Variants in PXK observed in about 807,000 individuals in gnomAD.
PXK encodes PX domain containing serine/threonine kinase like.
Under a neutral mutation model 84.7 loss-of-function variants are expected in PXK, and 35 were observed. That is an observed-to-expected ratio of 0.41 (90% CI 0.32 to 0.55). PXK has a LOEUF of 0.55. Among genes scored for constraint, PXK ranks in the 20% least tolerant of loss-of-function variants. The probability of loss-of-function intolerance (pLI) is 0.21; values close to 1 mark genes in which losing one functional copy is unlikely to be tolerated. For missense variants in PXK, 634 were observed against 699.7 expected, an observed-to-expected ratio of 0.91 and a Z score of 1.06; for synonymous variants, 253 against 260.8, an observed-to-expected ratio of 0.97 and a Z score of 0.29.
At chr3:58,403,748 T>G in intron 12 of PXK, 114 bp from the exon 13 acceptor site, 1 of 479,204 alleles carries the variant, frequency 2.1e-6, no homozygotes, top group Non-Finnish European at 3.6e-6. Flanking sequence ...GGCTGGAGGA[T>G]GTGGTGCAGG....
chr3:58,395,826 GT>G, intron 9 of PXK, 67 bp downstream of exon 9: 1 of 1,320,726 alleles, frequency 7.6e-7, no homozygotes. Flanking sequence ...ACCTGGAAAA[GT>G]TCTTAAGTAA....
intron 1 of PXK, among the ~76,000 whole-genome samples, chr3:58,358,053 A>G (rs1196875947): frequency 2.6e-5 from 4 of 152,232 alleles, no homozygotes. Context: ...TTGTGACTGA[A>G]ATGTCATTAT....
chr3:58,388,069 G>A (rs1230049460), intron 4 of PXK, among the ~76,000 whole-genome samples: 1 of 152,236 alleles, frequency 6.6e-6, no homozygotes. Flanking sequence ...AAGCAAAGGA[G>A]TAGATGTTTA....
rs79273243 is a variant in PXK, at chr3:58,344,291, A to G, written c.102+11201A>G. Among the ~76,000 whole-genome samples the G allele has an allele frequency of 7.9e-5, 12 of 152,346 alleles. 1 individual carries two copies. The highest frequency in any genetic ancestry group is 6.8e-3 in the Middle Eastern group (2 of 294). On this transcript the variant is annotated intron_variant, in intron 1 of 17. Transcript: ENST00000356151. The stretch of plus-strand genomic sequence containing the variant: ...CTTAGTGCTTTTTTGGCATTCAAAT[A>G]TATGTTTTGAATGGGAAAAGGAAAA...
chr3:58,337,759 T>C (rs929195967), intron 1 of PXK, among the ~76,000 whole-genome samples: 6 of 152,136 alleles, frequency 3.9e-5, no homozygotes, highest in African/African-American at 1.4e-4. Context: ...TGTGAGCCAC[T>C]GTACCTGGCC....
In PXK at chr3:58,384,175, G is replaced by A. The variant is rs963534517; in HGVS notation, c.388+1475G>A. On this transcript the variant is annotated intron_variant, in intron 4 of 17. Transcript: ENST00000356151. Reference sequence around the variant, plus strand: ...CTTGAGGCTGGTGACTCACAGTGTGGTTCTCTGACCAGCAGCATTGGCATC... The same window carrying A: ...CTTGAGGCTGGTGACTCACAGTGTGATTCTCTGACCAGCAGCATTGGCATC... Among the ~76,000 whole-genome samples, 5 of 152,290 alleles carry A rather than the reference G, an allele frequency of 3.3e-5. No individual in the cohort carries two copies. In the East Asian group the frequency reaches 7.7e-4, roughly 24 times the overall value.
intron 1 of PXK, among the ~76,000 whole-genome samples, chr3:58,349,894 C>T (rs1364705822): frequency 4.6e-5 from 7 of 152,154 alleles, no homozygotes; most frequent in Admixed American, 3.3e-4. Flanking sequence ...CTGAGCTTAA[C>T]GGATAGAACC....
At chr3:58,339,051 T>A (rs1326292185) in intron 1 of PXK, among the ~76,000 whole-genome samples, 1 of 152,146 alleles carries the variant, frequency 6.6e-6, no homozygotes. Context: ...CTATTCTATG[T>A]GGTTATGTAT....
chr3:58,399,283 ATC>A lies in PXK; in HGVS notation c.1103-14_1103-13del. The A allele has an allele frequency of 6.2e-7, 1 of 1,611,258 alleles. No individual in the cohort carries two copies. Among genetic ancestry groups the A allele is most frequent in the Non-Finnish European group, 8.5e-7 (1 of 1,177,386 alleles). ...CGTGTTCTGTGGAACTAAAATGTGTATCTGTTCATTTCAAGTGGCCGTGTTGG... is the reference window on the plus strand; with the variant it reads ...CGTGTTCTGTGGAACTAAAATGTGTATGTTCATTTCAAGTGGCCGTGTTGG... On this transcript the variant is annotated splice_polypyrimidine_tract_variant and intron_variant, in intron 11 of 17. Transcript: ENST00000356151. This position sits in a 1 kb window ranked among gnomAD's most constrained non-coding sequence, Gnocchi z 4.3.
In PXK at chr3:58,411,233, G is replaced by C. The variant is rs2060156142; in HGVS notation, c.1465+1074G>C. On this transcript the variant is annotated intron_variant, in intron 16 of 17. Transcript: ENST00000356151. The surrounding 1 kb of genome is among the most constrained non-coding windows in gnomAD (Gnocchi z 4.2). ...GGCTGCAGCCCAGAGGGCTGCATGAGCCACAGCTGGAGAATGCAAGTGGCA... is the reference window on the plus strand; with the variant it reads ...GGCTGCAGCCCAGAGGGCTGCATGACCCACAGCTGGAGAATGCAAGTGGCA... Among the ~76,000 whole-genome samples the C allele has an allele frequency of 6.6e-6, 1 of 152,220 alleles. No individual in the cohort carries two copies. The highest frequency in any genetic ancestry group is 2.1e-4 in the South Asian group (1 of 4,832).
intron 3 of PXK, among the ~76,000 whole-genome samples, chr3:58,372,469 C>T (rs1316455789): frequency 6.6e-6 from 1 of 151,886 alleles, no homozygotes; most frequent in Non-Finnish European, 1.5e-5. Flanking sequence ...ACTACAGGCG[C>T]CCGCCACCAC....
At chr3:58,373,967 C>G (rs1377339387) in intron 3 of PXK, among the ~76,000 whole-genome samples, 1 of 151,256 alleles carries the variant, frequency 6.6e-6, no homozygotes, top group Non-Finnish European at 1.5e-5. Context: ...ATGGCGTGAA[C>G]CCAGGAGGTG....
At chr3:58,365,527 A>G (rs1180529941) in intron 1 of PXK, among the ~76,000 whole-genome samples, 1 of 152,208 alleles carries the variant, frequency 6.6e-6, no homozygotes, top group Non-Finnish European at 1.5e-5. Flanking sequence ...GTTCTTCTAT[A>G]TCCTAGTTGG....
chr3:58,354,410 C>G (rs2098019048), intron 1 of PXK, among the ~76,000 whole-genome samples: 1 of 150,748 alleles, frequency 6.6e-6, no homozygotes. Flanking sequence ...TCCACTCATG[C>G]AAGGTTTTTT....
At position 58,414,167 on chromosome 3, in the gene PXK, G is replaced by T. The variant is rs1344810905; in HGVS notation, c.1528+1204G>T. The T allele has an allele frequency of 6.6e-6, 1 of 152,174 alleles. No homozygotes were observed. Among genetic ancestry groups the T allele is most frequent in the African/African-American group, 2.4e-5 (1 of 41,446 alleles). The allele number at this position is 152,174 out of a possible 1,614,324, so 9.4% of individuals were successfully genotyped here. A position where few individuals can be genotyped will look rare whatever the true frequency, so the allele number is the denominator to read the frequency against. ...TACACTGTTTAGGCTGATCAGAAAT[G>T]TCTGGTGATCTACTGCCCGGACTAT... On this transcript the variant is annotated intron_variant, in intron 17 of 17. Coordinates refer to ENST00000356151, the MANE Select transcript of PXK (RefSeq NM_017771.5). This position sits in a 1 kb window ranked among gnomAD's most constrained non-coding sequence, Gnocchi z 4.5.
chr3:58,370,232 G>A lies in PXK; in HGVS notation c.201+754G>A, dbSNP rs572575810. On this transcript the variant is annotated intron_variant, in intron 3 of 17. Transcript: ENST00000356151. This position sits in a 1 kb window ranked among gnomAD's most constrained non-coding sequence, Gnocchi z 4.2. ...TGTTTAACTTTTTTATCCTAAATATGTAGTTAGAAATCCCTTTGTTTTAAA... is the reference window on the plus strand; with the variant it reads ...TGTTTAACTTTTTTATCCTAAATATATAGTTAGAAATCCCTTTGTTTTAAA... Among the ~76,000 whole-genome samples, 10 of 152,174 alleles carry A rather than the reference G, an allele frequency of 6.6e-5. No homozygotes were observed. The highest frequency in any genetic ancestry group is 1.0e-4 in the Non-Finnish European group (7 of 68,036).
chr3:58,384,903 G>A lies in PXK; in HGVS notation c.388+2203G>A, dbSNP rs1171998811. Among the ~76,000 whole-genome samples the A allele has an allele frequency of 2.6e-5, 4 of 152,210 alleles. No homozygotes were observed. The East Asian group carries it at 5.8e-4, about 22-fold the overall frequency. On this transcript the variant is annotated intron_variant, in intron 4 of 17. Transcript: ENST00000356151. Reference sequence around the variant, plus strand: ...AGCTAAAAGGGATCTTAGAGCAGATGTATCATGTCTAACCCTCTCTTTTCA... The same window carrying A: ...AGCTAAAAGGGATCTTAGAGCAGATATATCATGTCTAACCCTCTCTTTTCA...
chr3:58,391,286 C>A, intron 6 of PXK, 66 bp downstream of exon 6: 1 of 1,373,104 alleles, frequency 7.3e-7, no homozygotes, highest in Non-Finnish European at 1.0e-6. Context: ...GCAGATTTGA[C>A]AAGAGAATTA....
rs2059154369 is a variant in PXK at position 58,404,900 on chromosome 3, A to G, written c.1230+990A>G. 2.0e-5 allele frequency among the ~76,000 whole-genome samples: 3 copies of G among 152,040 alleles called. No individual in the cohort carries two copies. In the South Asian group the frequency reaches 6.3e-4, roughly 32 times the overall value. On this transcript the variant is annotated intron_variant, in intron 13 of 17. Transcript: ENST00000356151. ...TGCCAGTTAGAGGAATTCTGACAAT[A>G]ATAGCTTCTTTGGATCTGAAGTAGG...
Sources: allele counts gnomAD v4.1 joint callset (sites outside exome capture counted in the v4.1 genomes callset), GRCh38; gene constraint gnomAD v4.1.1; non-coding constraint Gnocchi (gnomAD v3.1); transcripts MANE v1.5; gene names NCBI Gene and HGNC (gene_info 2026-07-23, HGNC 2026-07-21).